ROCK1: variants seen among roughly 807,000 people sequenced by gnomAD.
ROCK1 encodes rho-associated protein kinase 1.
In ROCK1, 36 loss-of-function variants were observed where a neutral mutation model predicts 196.8. That is an observed-to-expected ratio of 0.18 (90% CI 0.14 to 0.24). The LOEUF (loss-of-function observed/expected upper bound fraction) is 0.24, where lower values mean the gene tolerates loss of function less well. ROCK1 is among the 10% of genes least tolerant of loss of function. The pLI, the probability that ROCK1 is intolerant of heterozygous loss-of-function variation, is 1.00. For synonymous variants in ROCK1, 443 were observed against 515.9 expected (o/e 0.86, Z 1.91); for missense variants, 920 against 1,562.0 (o/e 0.59, Z 6.93).
intron 1 of ROCK1, among the ~76,000 whole-genome samples, chr18:21,076,923 T>G (rs1470461588): frequency 6.6e-6 from 1 of 151,878 alleles, no homozygotes; most frequent in Non-Finnish European, 1.5e-5. Flanking sequence ...GGCAGTTTAC[T>G]TGCTCTTGTC....
chr18:20,987,318 C>G (rs1051262320), intron 18 of ROCK1, among the ~76,000 whole-genome samples: 5 of 152,036 alleles, frequency 3.3e-5, no homozygotes, highest in African/African-American at 1.2e-4. Flanking sequence ...AAATATAATA[C>G]AGTAATAAAA....
At chr18:21,071,703 T>C (rs973789823) in intron 1 of ROCK1, among the ~76,000 whole-genome samples, 4 of 152,168 alleles carry the variant, frequency 2.6e-5, no homozygotes, top group Non-Finnish European at 4.4e-5. Context: ...AAAAGAATGG[T>C]TTTTGCGTGA....
chr18:20,968,803 T>C lies in ROCK1; in HGVS notation c.2972A>G (p.Asn991Ser). Residue 991 changes from asparagine (N) to serine (S), a missense_variant, in exon 25 of 33, where the codon AAT (asparagine) becomes AGT (serine). By Grantham distance (46) the Asn-to-Ser change is conservative. Coordinates refer to ENST00000399799, the MANE Select transcript of ROCK1 (RefSeq NM_005406.3). ...ISNLKAAFEK[N>S]INTERTLKTQ... is the part of the protein sequence containing the mutation. ...TTTAAGGGTTCGTTCAGTGTTGATA[T>C]TCTTTTCAAAGGCAGCCTTAAGATT... 6.2e-7 allele frequency: 1 copy of C among 1,609,264 alleles called. No homozygotes were observed. Among genetic ancestry groups the C allele is most frequent in the Admixed American group, 1.7e-5 (1 of 60,018 alleles).
chr18:20,999,561 A>G (rs2035704316), intron 16 of ROCK1, among the ~76,000 whole-genome samples: 1 of 152,224 alleles, frequency 6.6e-6, no homozygotes, highest in Non-Finnish European at 1.5e-5. Flanking sequence ...AAGAGCATCA[A>G]AAAGAATAAA....
intron 13 of ROCK1, among the ~76,000 whole-genome samples, chr18:21,014,238 T>C (rs1213127746): frequency 6.6e-6 from 1 of 152,116 alleles, no homozygotes; most frequent in Non-Finnish European, 1.5e-5. Context: ...TATTTCGAGG[T>C]TGCTGGCTTC....
chr18:20,964,732 T>C (rs1447102340), intron 27 of ROCK1, among the ~76,000 whole-genome samples: 1 of 152,160 alleles, frequency 6.6e-6, no homozygotes, highest in Non-Finnish European at 1.5e-5. Flanking sequence ...ATACTGAAAA[T>C]GGAGCTAGTA....
chr18:21,067,383 CTTTTTTTTTTT>C (rs373333472), intron 2 of ROCK1, among the ~76,000 whole-genome samples: 1,608 of 125,320 alleles, frequency 0.013, 39 homozygotes, highest in African/African-American at 0.044. Context: ...TCTTTTCACT[CTTTTTTTTTTT>C]TTTTTTTTTT....
intron 1 of ROCK1, among the ~76,000 whole-genome samples, chr18:21,082,210 G>A (rs2143571433): frequency 6.6e-6 from 1 of 152,178 alleles, no homozygotes; most frequent in Non-Finnish European, 1.5e-5. Context: ...AAAGTGCTGG[G>A]ATTACAGATT....
intron 1 of ROCK1, among the ~76,000 whole-genome samples, chr18:21,107,904 A>AT (rs2036717029): frequency 6.6e-6 from 1 of 152,088 alleles, no homozygotes; most frequent in Non-Finnish European, 1.5e-5. Flanking sequence ...AACTACAAAA[A>AT]TTAGCCAGGC....
At chr18:21,097,937 C>T (rs2036625437) in intron 1 of ROCK1, among the ~76,000 whole-genome samples, 1 of 152,222 alleles carries the variant, frequency 6.6e-6, no homozygotes, top group Non-Finnish European at 1.5e-5. Flanking sequence ...CAAGGCAGTT[C>T]TGCTGGTGTC....
At chr18:21,066,493 G>T (rs2143544868) in intron 2 of ROCK1, among the ~76,000 whole-genome samples, 1 of 152,216 alleles carries the variant, frequency 6.6e-6, no homozygotes, top group African/African-American at 2.4e-5. Context: ...TAGAGTAAAT[G>T]ATGCTTTTTG....
At chr18:20,953,179 T>C (rs1465355504) in intron 32 of ROCK1, 1 of 185,580 alleles carries the variant, frequency 5.4e-6, no homozygotes, top group Non-Finnish European at 1.1e-5. Flanking sequence ...TGGGATAGTA[T>C]GGGAAGTTAA....
At position 21,110,982 on chromosome 18, in the gene ROCK1, C is replaced by A; in HGVS notation, c.-72G>T. 1 of 1,303,276 alleles carries A rather than the reference C, an allele frequency of 7.7e-7. No individual in the cohort carries two copies. Among genetic ancestry groups the A allele is most frequent in the Non-Finnish European group, 1.1e-6 (1 of 903,582 alleles). 80.7% of individuals were successfully genotyped at this position (1,303,276 alleles called of 1,614,324 possible). ...AAGCAATTTCAACCAACTTCCTCCG[C>A]GGTGGGTTCGCAGCCGCGGGGCGGA... On this transcript the variant is annotated 5_prime_UTR_variant, in exon 1 of 33. Coordinates refer to ENST00000399799, the MANE Select transcript of ROCK1 (RefSeq NM_005406.3).
intron 18 of ROCK1, among the ~76,000 whole-genome samples, chr18:20,989,805 T>C (rs2035607905): frequency 6.6e-6 from 1 of 152,112 alleles, no homozygotes. Flanking sequence ...AAAACTAGAT[T>C]TTGAGGAGTT....
At chr18:20,982,732 A>T (rs752340270) in intron 21 of ROCK1, 31 bp downstream of exon 21, 13 of 1,058,326 alleles carry the variant, frequency 1.2e-5, no homozygotes, top group African/African-American at 1.6e-5. Context: ...GTTTTGAAAC[A>T]GTGTGTATGT....
intron 11 of ROCK1, among the ~76,000 whole-genome samples, chr18:21,022,158 C>G (rs528885977): frequency 2.0e-5 from 3 of 151,920 alleles, no homozygotes; most frequent in Admixed American, 1.3e-4. Flanking sequence ...TGTGCCCCCC[C>G]ACAAAAAAAT....
chr18:21,017,891 T>A (rs886790077), intron 12 of ROCK1, among the ~76,000 whole-genome samples: 1 of 151,364 alleles, frequency 6.6e-6, no homozygotes, highest in African/African-American at 2.4e-5. Context: ...GAGAATGCCA[T>A]GAACCCGGGA....
intron 14 of ROCK1, 50 bp downstream of exon 14, chr18:21,008,009 C>A: frequency 7.0e-7 from 1 of 1,437,182 alleles, no homozygotes. Flanking sequence ...AAGACAACCT[C>A]ATGACAGTGT....
Position 21,050,764 on chromosome 18 carries a change from C to A in ROCK1, c.176-884G>T, listed in dbSNP as rs1333981598. 2.0e-5 allele frequency among the ~76,000 whole-genome samples: 3 copies of A among 152,110 alleles called. No individual in the cohort carries two copies. The East Asian group carries it at 5.8e-4, about 29-fold the overall frequency. On this transcript the variant is annotated intron_variant, in intron 2 of 32. Transcript: ENST00000399799. ...ACCAATAAATACATGTAACAGAGAG[C>A]AAATTTCTACAAAGTTATAAGTACC...
Sources: gnomAD v4.1 joint callset for allele counts (sites outside exome capture counted in the v4.1 genomes callset) on GRCh38, gnomAD v4.1.1 for gene constraint, MANE v1.5 for transcripts, NCBI Gene and HGNC (gene_info 2026-07-23, HGNC 2026-07-21) for gene names.